C11orf65: variants seen among roughly 807,000 people sequenced by gnomAD.
C11orf65 encodes chromosome 11 open reading frame 65.
In C11orf65, 38 loss-of-function variants were observed where a neutral mutation model predicts 35.3. That is an observed-to-expected ratio of 1.08 (90% confidence interval 0.83 to 1.41). The LOEUF (loss-of-function observed/expected upper bound fraction) is 1.41. Ranked by LOEUF, C11orf65 falls within the 40% of genes most tolerant of loss-of-function variation. C11orf65 has a pLI of 0.00. For missense variants in C11orf65, 370 were observed against 367.1 expected (o/e 1.01, Z -0.06); for synonymous variants, 105 against 114.4 (o/e 0.92, Z 0.53).
intron 2 of C11orf65, among the ~76,000 whole-genome samples, chr11:108,449,497 C>T (rs974712948): frequency 2.6e-5 from 4 of 151,978 alleles, no homozygotes; most frequent in Non-Finnish European, 5.9e-5. Flanking sequence ...CTACAACCAT[C>T]TGCTCTTTGA....
At chr11:108,455,834 A>AAAC (rs1565724366) in intron 2 of C11orf65, among the ~76,000 whole-genome samples, 7 of 139,384 alleles carry the variant, frequency 5.0e-5, no homozygotes, top group East Asian at 2.2e-4. Context: ...AAAAAAAAAA[A>AAAC]AAAAAACATG....
chr11:108,408,674 TAAATA>T (rs74198402), intron 3 of C11orf65, among the ~76,000 whole-genome samples: 11 of 77,250 alleles, frequency 1.4e-4, no homozygotes, highest in African/African-American at 5.8e-4. Context: ...TCTGTCTCAA[TAAATA>T]AAATAAAATA....
chr11:108,413,705 A>G (rs2092691227), intron 3 of C11orf65, among the ~76,000 whole-genome samples: 1 of 152,178 alleles, frequency 6.6e-6, no homozygotes, highest in Non-Finnish European at 1.5e-5. Context: ...AGGAATAGAA[A>G]TCATACAAAG....
chr11:108,308,865 C>A (rs905468780), exon 7 of C11orf65: 4 of 648,410 alleles, frequency 6.2e-6, no homozygotes, highest in Non-Finnish European at 7.9e-6. Context: ...GAGTTTTATA[C>A]CAGATTATCT....
rs139766313 is a variant in C11orf65 at position 108,413,413 on chromosome 11, C to T, written c.175-6264G>A. ...TACGTTCATGTGTATACATTTTTAG[C>T]ATCCACTTCTATGTGAGAACATTTG... On this transcript the variant is annotated intron_variant, in intron 3 of 8. Coordinates refer to ENST00000393084, the MANE Select transcript of C11orf65 (RefSeq NM_152587.5). Among the ~76,000 whole-genome samples, 1,206 of 152,284 alleles carry T rather than the reference C, an allele frequency of 7.9e-3. 9 individuals carry two copies. Among genetic ancestry groups the T allele is most frequent in the African/African-American group, 0.025 (1,030 of 41,558 alleles).
chr11:108,325,633 C>A, intron 6 of C11orf65: 1 of 1,113,014 alleles, frequency 9.0e-7, no homozygotes, highest in Non-Finnish European at 1.3e-6. Context: ...AAAGAAATGT[C>A]ATTAAGAGAT....
intron 3 of C11orf65, among the ~76,000 whole-genome samples, chr11:108,412,434 C>A (rs11212617): frequency 0.49 from 74,737 of 152,056 alleles, 19,969 homozygotes; most frequent in Middle Eastern, 0.72. Flanking sequence ...AGATCAGAGA[C>A]TGTCAGAGCG....
chr11:108,341,326 C>T (rs1423078372), intron 2 of C11orf65, among the ~76,000 whole-genome samples: 1 of 152,108 alleles, frequency 6.6e-6, no homozygotes, highest in Non-Finnish European at 1.5e-5. Flanking sequence ...AGGCCTCCGA[C>T]CATGTTGCCA....
At position 108,343,383 on chromosome 11, in the gene C11orf65, C is replaced by T. The variant is rs2136954876; in HGVS notation, c.227-8091G>A. On this transcript the variant is annotated intron_variant, in intron 2 of 3. Coordinates refer to the C11orf65 transcript ENST00000524755. ...AAAAGAAAATGATGGTGAGTGACACCCAAAATTAAAGGTTATTGTAAGATT... is the reference window on the plus strand; with the variant it reads ...AAAAGAAAATGATGGTGAGTGACACTCAAAATTAAAGGTTATTGTAAGATT... 1 of 1,613,342 alleles carries T rather than the reference C, an allele frequency of 6.2e-7. No individual in the cohort carries two copies. Among genetic ancestry groups the T allele is most frequent in the Non-Finnish European group, 8.5e-7 (1 of 1,179,628 alleles).
At chr11:108,346,007 G>T in intron 2 of C11orf65, 1 of 1,388,266 alleles carries the variant, frequency 7.2e-7, no homozygotes, top group Non-Finnish European at 1.0e-6. Context: ...AGTTGCAGGG[G>T]GATGATAGTG....
At chr11:108,457,596 T>C (rs555287118) in intron 2 of C11orf65, among the ~76,000 whole-genome samples, 2 of 152,188 alleles carry the variant, frequency 1.3e-5, no homozygotes, top group South Asian at 4.1e-4. Flanking sequence ...TGAGCCGAGA[T>C]TGCACCACTG....
At chr11:108,408,030 T>TTA (rs1191734294) in intron 3 of C11orf65, among the ~76,000 whole-genome samples, 4 of 121,184 alleles carry the variant, frequency 3.3e-5, no homozygotes, top group African/African-American at 1.1e-4. Context: ...TATTATTATT[T>TTA]TATTATTACA....
At chr11:108,405,607 T>G (rs1194413490) in intron 5 of C11orf65, 48 bp from the exon 6 acceptor site, 1 of 1,581,616 alleles carries the variant, frequency 6.3e-7, no homozygotes, top group Non-Finnish European at 8.6e-7. Context: ...ATATCGATTG[T>G]GAGGTTATCT....
chr11:108,333,332 T>C (rs2086484779), intron 3 of C11orf65, among the ~76,000 whole-genome samples: 1 of 152,252 alleles, frequency 6.6e-6, no homozygotes. Context: ...ATTATTATTC[T>C]TGCTGTGTCA....
intron 2 of C11orf65, among the ~76,000 whole-genome samples, chr11:108,443,721 T>G (rs1217919149): frequency 6.6e-6 from 1 of 152,138 alleles, no homozygotes; most frequent in Admixed American, 6.5e-5. Context: ...GAATGACTAC[T>G]GGGTACATAA....
At position 108,335,009 on chromosome 11, in the gene C11orf65, A is replaced by G. The variant is rs1555127107; in HGVS notation, c.299+211T>C. 8 of 1,613,816 alleles carry G rather than the reference A, an allele frequency of 5.0e-6. No homozygotes were observed. The highest frequency in any genetic ancestry group is 6.8e-6 in the Non-Finnish European group (8 of 1,179,704). On this transcript the variant is annotated intron_variant, in intron 3 of 3. Transcript: ENST00000524755. ...GAATATGGAAATCTGGTGACTATAC[A>G]GTCATTTAAAGCAGAATTTCGCTTA...
At chr11:108,457,113 C>T (rs2093418921) in intron 2 of C11orf65, among the ~76,000 whole-genome samples, 1 of 151,672 alleles carries the variant, frequency 6.6e-6, no homozygotes, top group Non-Finnish European at 1.5e-5. Flanking sequence ...CCTGATGGAA[C>T]AAGAAACTAA....
chr11:108,372,089 G>A (rs2091589563), intron 2 of C11orf65, among the ~76,000 whole-genome samples: 1 of 152,126 alleles, frequency 6.6e-6, no homozygotes, highest in Non-Finnish European at 1.5e-5. Flanking sequence ...GTAACGTTAG[G>A]TTACTTGAAA....
intron 2 of C11orf65, among the ~76,000 whole-genome samples, chr11:108,356,450 C>T (rs1340987740): frequency 3.3e-5 from 5 of 150,660 alleles, no homozygotes; most frequent in Admixed American, 6.6e-5. Context: ...GCAGGAGAAT[C>T]GCTTGAACCC....
Sources: allele counts gnomAD v4.1 joint callset (sites outside exome capture counted in the v4.1 genomes callset), GRCh38; gene constraint gnomAD v4.1.1; transcripts MANE v1.5; gene names NCBI Gene and HGNC (gene_info 2026-07-23, HGNC 2026-07-21).